ARMH4: variants seen among roughly 807,000 people sequenced by gnomAD.
ARMH4 encodes the protein armadillo like helical domain containing 4.
A neutral mutation model predicts 61.9 loss-of-function variants in ARMH4; 49 were observed. The ratio of observed to expected loss-of-function variants is 0.79; its 90% CI spans 0.63 to 1.00. The LOEUF (loss-of-function observed/expected upper bound fraction) is 1.00. Ranked by LOEUF, ARMH4 falls within the 50% of genes least tolerant of loss-of-function variation. The pLI, the probability that ARMH4 is intolerant of heterozygous loss-of-function variation, is 0.00. For missense variants in ARMH4, 934 were observed against 930.0 expected (o/e 1.00, Z -0.06); for synonymous variants, 368 against 341.5 (o/e 1.08, Z -0.85).
chr14:58,117,927 T>A (rs796599954), intron 4 of ARMH4, among the ~76,000 whole-genome samples: 52 of 146,400 alleles, frequency 3.6e-4, no homozygotes, highest in African/African-American at 1.2e-3. Flanking sequence ...CCCAGCTAAT[T>A]AAAAAAAAAA....
chr14:58,087,881 C>A (rs1885431507), intron 5 of ARMH4, among the ~76,000 whole-genome samples: 1 of 152,132 alleles, frequency 6.6e-6, no homozygotes, highest in African/African-American at 2.4e-5. Context: ...GTCTCGTGAA[C>A]ATAAAAATAA....
intron 1 of ARMH4, among the ~76,000 whole-genome samples, chr14:58,139,756 T>C (rs1307044972): frequency 1.3e-5 from 2 of 152,268 alleles, no homozygotes; most frequent in Admixed American, 1.3e-4. Flanking sequence ...TGTAGTCAAA[T>C]GACTGTAGAA....
In ARMH4 at chr14:58,024,062, G is replaced by C. The variant is rs551440964; in HGVS notation, c.2090-11912C>G. Among the ~76,000 whole-genome samples the C allele has an allele frequency of 2.0e-4, 31 of 152,290 alleles. No homozygotes were observed. In the Middle Eastern group the frequency reaches 0.01, roughly 50 times the overall value. On this transcript the variant is annotated intron_variant, in intron 5 of 7. Transcript: ENST00000267485. ...TAAGGGCCCTAGGATTTTAGGAATA[G>C]CCAGTGAGCATTGACTTCAACTTAA... is the stretch of plus-strand genomic sequence containing the variant.
At chr14:58,123,333 C>T (rs1175252548) in intron 4 of ARMH4, among the ~76,000 whole-genome samples, 4 of 152,214 alleles carry the variant, frequency 2.6e-5, no homozygotes, top group Admixed American at 6.5e-5. Context: ...TCGTCCTGTT[C>T]AAGTTAAACT....
intron 6 of ARMH4, among the ~76,000 whole-genome samples, chr14:58,010,618 A>T (rs568360533): frequency 1.3e-5 from 2 of 152,144 alleles, no homozygotes; most frequent in Non-Finnish European, 2.9e-5. Context: ...GCGGTCACAT[A>T]CAAAATTATT....
At chr14:58,057,928 G>T (rs1461326342) in intron 5 of ARMH4, among the ~76,000 whole-genome samples, 1 of 152,110 alleles carries the variant, frequency 6.6e-6, no homozygotes, top group East Asian at 1.9e-4. Flanking sequence ...GGCAACACAG[G>T]AACAGTACAG....
chr14:58,053,068 C>T (rs577901475), intron 5 of ARMH4, among the ~76,000 whole-genome samples: 13 of 152,236 alleles, frequency 8.5e-5, no homozygotes, highest in Admixed American at 7.2e-4. Flanking sequence ...CTCTTGAATC[C>T]ATCCACTCTT....
In ARMH4 at chr14:58,139,299, G is replaced by A. The variant is rs769028630; in HGVS notation, c.60C>T (p.Ser20=). The A allele has an allele frequency of 5.6e-6, 9 of 1,614,168 alleles. No homozygotes were observed. The highest frequency in any genetic ancestry group is 2.2e-5 in the South Asian group (2 of 91,078). The part of the protein sequence containing the change: ...CLAFCSLLLF[S]VATQCLAFPK... ...GGAAGGCCAGACATTGTGTGGCAAC[G>A]CTGAAAAGCAGAAGGCTACAGAAAG... The change falls in exon 2 of 8, where the codon AGC becomes AGT. Residue 20 remains serine, a synonymous_variant. Transcript: ENST00000267485.
chr14:58,144,538 C>T lies in ARMH4; in HGVS notation c.-56-5124G>A, dbSNP rs182784882. Among the ~76,000 whole-genome samples the T allele has an allele frequency of 1.6e-3, 247 of 152,068 alleles. 1 individual carries two copies. The highest frequency in any genetic ancestry group is 5.8e-3 in the African/African-American group (241 of 41,476). Reference sequence around the variant, plus strand: ...CCATTCTGGGCGACAGAGAAAAGACCCTGTCTCAAAAACAAACAGACAACA... The same window carrying T: ...CCATTCTGGGCGACAGAGAAAAGACTCTGTCTCAAAAACAAACAGACAACA... On this transcript the variant is annotated intron_variant, in intron 1 of 7. Transcript: ENST00000267485.
rs766592410 is a variant in ARMH4, at chr14:58,139,404, G to A, written c.-46C>T. 11 of 1,567,434 alleles carry A rather than the reference G, an allele frequency of 7.0e-6. No homozygotes were observed. The Admixed American group carries it at 1.9e-4, about 26-fold the overall frequency. ...TACACTGGCAGAGTTGACAAGTCCA[G>A]TAATTGAATCCTGCAGAAAAATAAA... On this transcript the variant is annotated 5_prime_UTR_variant, in exon 2 of 8. Coordinates refer to ENST00000267485, the MANE Select transcript of ARMH4 (RefSeq NM_001001872.4).
intron 5 of ARMH4, among the ~76,000 whole-genome samples, chr14:58,088,603 C>G (rs1437856756): frequency 6.6e-6 from 1 of 152,144 alleles, no homozygotes; most frequent in Non-Finnish European, 1.5e-5. Context: ...GACTCCCAGG[C>G]GTCTGGCAGA....
intron 4 of ARMH4, 67 bp from the exon 5 acceptor site, chr14:58,097,048 T>A: frequency 6.7e-7 from 1 of 1,491,388 alleles, no homozygotes; most frequent in Non-Finnish European, 9.3e-7. Context: ...AAATGAATCC[T>A]TGGAAATGAT....
chr14:58,135,252 GTC>G (rs1887264784), intron 2 of ARMH4, among the ~76,000 whole-genome samples: 1 of 152,022 alleles, frequency 6.6e-6, no homozygotes, highest in African/African-American at 2.4e-5. Context: ...TTTGAATTTT[GTC>G]TCTCTTTTTT....
At chr14:58,039,274 T>G (rs1883600033) in intron 5 of ARMH4, among the ~76,000 whole-genome samples, 1 of 152,216 alleles carries the variant, frequency 6.6e-6, no homozygotes, top group Non-Finnish European at 1.5e-5. Flanking sequence ...TCCTATTCCC[T>G]TCTCTTTATC....
chr14:58,108,603 T>C (rs910207844), intron 4 of ARMH4, among the ~76,000 whole-genome samples: 2 of 152,366 alleles, frequency 1.3e-5, no homozygotes, highest in South Asian at 2.1e-4. Context: ...CTGTTCATTA[T>C]GCATATATGT....
intron 4 of ARMH4, among the ~76,000 whole-genome samples, chr14:58,106,758 C>T (rs990114379): frequency 1.3e-5 from 2 of 150,760 alleles, no homozygotes; most frequent in Non-Finnish European, 3.0e-5. Context: ...TAACAGGGAA[C>T]AAGTTTTATA....
At chr14:58,127,663 C>G (rs1886947931) in intron 4 of ARMH4, among the ~76,000 whole-genome samples, 1 of 152,246 alleles carries the variant, frequency 6.6e-6, no homozygotes, top group African/African-American at 2.4e-5. Flanking sequence ...ATTCAAGTTC[C>G]CCAGATGAGG....
chr14:58,010,769 T>C (rs1029232657), intron 6 of ARMH4, among the ~76,000 whole-genome samples: 4 of 151,772 alleles, frequency 2.6e-5, no homozygotes, highest in African/African-American at 9.7e-5. Flanking sequence ...TATATATACA[T>C]GCAGATAAGA....
chr14:58,028,952 A>T (rs1447745018), intron 5 of ARMH4, among the ~76,000 whole-genome samples: 1 of 152,182 alleles, frequency 6.6e-6, no homozygotes, highest in East Asian at 1.9e-4. Flanking sequence ...GACCATTTTA[A>T]AGTGTGCAAT....
Sources: allele counts gnomAD v4.1 joint callset (sites outside exome capture counted in the v4.1 genomes callset), GRCh38; gene constraint gnomAD v4.1.1; transcripts MANE v1.5; gene names NCBI Gene and HGNC (gene_info 2026-07-23, HGNC 2026-07-21).